USP9Y: variants seen among roughly 807,000 people sequenced by gnomAD.
The protein encoded by USP9Y is ubiquitin specific peptidase 9 Y-linked, also known as ubiquitin carboxyl-terminal hydrolase 9Y.
USP9Y carries 41 observed loss-of-function variants against 53.1 expected under a neutral mutation model. That is an observed-to-expected ratio of 0.77 (90% CI 0.60 to 1.00). The LOEUF (loss-of-function observed/expected upper bound fraction) is 1.00. Among genes scored for constraint, USP9Y ranks in the 50% least tolerant of loss-of-function variants. USP9Y has a pLI of 0.00. For missense variants in USP9Y, 567 were observed against 535.8 expected (o/e 1.06, Z -0.58); for synonymous variants, 220 against 173.7 (o/e 1.27, Z -2.09).
chrY:12,738,107 TA>T (rs1459972611), intron 10 of USP9Y, 49 bp from the exon 11 acceptor site: 1 of 336,866 alleles, frequency 3.0e-6, no homozygotes, highest in South Asian at 3.7e-5. Flanking sequence ...TTTCGCTTTT[TA>T]AAAAAATTTC....
intron 7 of USP9Y, among the ~76,000 whole-genome samples, chrY:12,734,145 C>A (rs2053449511): frequency 3.0e-5 from 1 of 33,657 alleles, no homozygotes; most frequent in Admixed American, 2.7e-4. Context: ...GTTTGTAATT[C>A]CCTTGGAGAC....
In USP9Y at chrY:12,810,831, G is replaced by A; in HGVS notation, c.4239+13G>A. On this transcript the variant is annotated intron_variant, in intron 29 of 45. Transcript: ENST00000338981. ...CAAAAGGATTAGGGTAAGTTGAATA[G>A]TATTTAGTTTATTATGTCATGACCA... 2.5e-6 allele frequency: 1 copy of A among 394,278 alleles called. No individual in the cohort carries two copies. The highest frequency in any genetic ancestry group is 7.4e-5 in the Admixed American group (1 of 13,459).
intron 3 of USP9Y, among the ~76,000 whole-genome samples, chrY:12,719,331 A>G (rs2053433272): frequency 5.9e-5 from 2 of 33,900 alleles, no homozygotes; most frequent in South Asian, 6.5e-4. Context: ...ACTGAGGAAG[A>G]AGAAGAGTAA....
rs777599688 is a variant in USP9Y at position 12,856,803 on chromosome Y, T to C, written c.7392T>C (p.Ala2464=). 2 of 395,487 alleles carry C rather than the reference T, an allele frequency of 5.1e-6. No homozygotes were observed. Among genetic ancestry groups the C allele is most frequent in the South Asian group, 6.0e-5 (2 of 33,453 alleles). ...ATTTCTTAGAAAGATCACATAGTGCTAGGATGACACTTGCAAAAGCTTGTG... is the reference window on the plus strand; with the variant it reads ...ATTTCTTAGAAAGATCACATAGTGCCAGGATGACACTTGCAAAAGCTTGTG... The part of the protein sequence containing the change: ...NGYFLERSHS[A]RMTLAKACEL... Residue 2464 remains alanine, a synonymous_variant, in exon 44 of 46, where the codon GCT becomes GCC. Coordinates refer to ENST00000338981, the MANE Select transcript of USP9Y (RefSeq NM_004654.4).
chrY:12,753,635 G>A, intron 12 of USP9Y, among the ~76,000 whole-genome samples: 1 of 32,874 alleles, frequency 3.0e-5, no homozygotes, highest in Non-Finnish European at 7.5e-5. Context: ...TATTGATTGA[G>A]TTCCTGTAAT....
At chrY:12,858,042 T>A in intron 45 of USP9Y, among the ~76,000 whole-genome samples, 2 of 34,231 alleles carry the variant, frequency 5.8e-5, no homozygotes, top group Non-Finnish European at 1.5e-4. Flanking sequence ...TATCTGAGAT[T>A]CAGTGGCAGT....
chrY:12,835,771 C>T, intron 34 of USP9Y, among the ~76,000 whole-genome samples: 1 of 33,466 alleles, frequency 3.0e-5, no homozygotes, highest in Non-Finnish European at 7.4e-5. Context: ...GCTGAGATCG[C>T]ACCACTATGC....
chrY:12,848,218 A>T, intron 42 of USP9Y, among the ~76,000 whole-genome samples: 1 of 33,052 alleles, frequency 3.0e-5, no homozygotes, highest in East Asian at 8.0e-4. Flanking sequence ...ACATTTCTCT[A>T]ATCATCAGCT....
Position 12,847,031 on chromosome Y carries a change from A to G in USP9Y, c.6853A>G (p.Ser2285Gly). The change falls in exon 41 of 46, where the codon AGT becomes GGT. Residue 2285 changes from serine (S) to glycine (G), a missense_variant. Physicochemically the swap from Ser to Gly is moderately conservative, Grantham distance 56. Transcript: ENST00000338981. ...GTTAGACATTTTATTTGTGAGAACA[A>G]GTTATGTGAAGAAAATTATTGAAGA... ...NVLDILFVRT[S>G]YVKKIIEDCS... The G allele has an allele frequency of 5.0e-6, 2 of 397,503 alleles. No homozygotes were observed. Among genetic ancestry groups the G allele is most frequent in the Non-Finnish European group, 7.1e-6 (2 of 282,375 alleles).
intron 30 of USP9Y, among the ~76,000 whole-genome samples, chrY:12,812,445 T>TG (rs2053531901): frequency 3.0e-5 from 1 of 33,663 alleles, no homozygotes; most frequent in African/African-American, 1.2e-4. Flanking sequence ...ATTTCTGTCT[T>TG]GCAAAACTTC....
chrY:12,743,016 A>G (rs2053457890), intron 12 of USP9Y, among the ~76,000 whole-genome samples: 1 of 32,668 alleles, frequency 3.1e-5, no homozygotes, highest in Non-Finnish European at 7.5e-5. Flanking sequence ...TACTTTAAAC[A>G]TGTACTAACT....
chrY:12,742,660 C>T, intron 12 of USP9Y, among the ~76,000 whole-genome samples: 3 of 33,355 alleles, frequency 9.0e-5, no homozygotes, highest in African/African-American at 3.5e-4. Flanking sequence ...CTCTGTATTG[C>T]TGGGCATTTA....
intron 12 of USP9Y, among the ~76,000 whole-genome samples, 187 bp from the exon 13 acceptor site, chrY:12,757,005 C>G (rs912864302): frequency 9.1e-5 from 3 of 33,096 alleles, no homozygotes; most frequent in Admixed American, 2.7e-4. Context: ...TACTTTGTCT[C>G]GCGAGTACTA....
intron 33 of USP9Y, among the ~76,000 whole-genome samples, chrY:12,825,033 T>A: frequency 3.1e-5 from 1 of 32,413 alleles, no homozygotes; most frequent in African/African-American, 1.2e-4. Flanking sequence ...TTCAAGCGAT[T>A]CTCCTGCTTC....
At chrY:12,741,805 T>A in intron 12 of USP9Y, among the ~76,000 whole-genome samples, 7 of 33,888 alleles carry the variant, frequency 2.1e-4, no homozygotes, top group African/African-American at 3.5e-4. Context: ...TCACAGGTTT[T>A]ATTAACAGTT....
intron 12 of USP9Y, 131 bp downstream of exon 12, chrY:12,739,760 T>C: frequency 8.2e-6 from 1 of 121,836 alleles, no homozygotes; most frequent in Non-Finnish European, 1.6e-5. Context: ...GAAGAATCTC[T>C]GATGAAAAAG....
intron 3 of USP9Y, among the ~76,000 whole-genome samples, chrY:12,712,447 A>G (rs2148279150): frequency 3.0e-5 from 1 of 33,311 alleles, no homozygotes. Context: ...ATTTTCCTTC[A>G]CTGAAGTTCA....
At chrY:12,795,873 C>T in intron 27 of USP9Y, among the ~76,000 whole-genome samples, 7 of 33,030 alleles carry the variant, frequency 2.1e-4, no homozygotes, top group African/African-American at 8.3e-4. Context: ...TTATATTTAG[C>T]GTACAAAGAG....
intron 32 of USP9Y, among the ~76,000 whole-genome samples, chrY:12,816,811 C>A (rs2053537021): frequency 2.9e-5 from 1 of 33,913 alleles, no homozygotes; most frequent in Non-Finnish European, 7.3e-5. Flanking sequence ...TAATGCTTCA[C>A]GGACCTGTTA....
Sources: allele counts gnomAD v4.1 joint callset (sites outside exome capture counted in the v4.1 genomes callset), GRCh38; gene constraint gnomAD v4.1.1; transcripts MANE v1.5; gene names NCBI Gene and HGNC (gene_info 2026-07-23, HGNC 2026-07-21).